Variants in ANO10 observed in about 807,000 individuals in gnomAD.
The protein encoded by ANO10 is anoctamin-10.
In ANO10, 77 loss-of-function variants were observed where a neutral mutation model predicts 74.7. The ratio of observed to expected loss-of-function variants is 1.03; its 90% confidence interval spans 0.86 to 1.25. The LOEUF (loss-of-function observed/expected upper bound fraction) is 1.25. Ranked by LOEUF, ANO10 falls within the 50% of genes most tolerant of loss-of-function variation. ANO10 has a pLI of 0.00. For missense variants in ANO10, 721 were observed against 778.1 expected (o/e 0.93, Z 0.87); for synonymous variants, 279 against 284.9 (o/e 0.98, Z 0.21).
chr3:43,442,906 ATT>A (rs1247616042), intron 11 of ANO10, among the ~76,000 whole-genome samples: 1 of 152,234 alleles, frequency 6.6e-6, no homozygotes, highest in Non-Finnish European at 1.5e-5. Context: ...TGAAAACTCT[ATT>A]TAATCAGTTA....
chr3:43,520,334 C>T (rs2149213145), intron 11 of ANO10, among the ~76,000 whole-genome samples: 1 of 152,254 alleles, frequency 6.6e-6, no homozygotes, highest in East Asian at 1.9e-4. Flanking sequence ...CTCACAGTAC[C>T]AGAGGCTGGG....
rs2076768160 is a variant in ANO10 at position 43,492,663 on chromosome 3, G to A, written c.1797+57057C>T. On this transcript the variant is annotated intron_variant, in intron 11 of 12. Transcript: ENST00000292246. Reference sequence around the variant, plus strand: ...ACACTTCTCAAAAAAAGACATTTATGCGGTGAACAGACATATGAAAAAATG... The same window carrying A: ...ACACTTCTCAAAAAAAGACATTTATACGGTGAACAGACATATGAAAAAATG... 5.3e-5 allele frequency among the ~76,000 whole-genome samples: 8 copies of A among 152,208 alleles called. No homozygotes were observed. The South Asian group carries it at 1.7e-3, about 31-fold the overall frequency.
chr3:43,603,735 A>G (rs1476786599), intron 2 of ANO10, among the ~76,000 whole-genome samples: 1 of 152,202 alleles, frequency 6.6e-6, no homozygotes, highest in African/African-American at 2.4e-5. Context: ...ATGGCCTTTA[A>G]TGCAAGGCAG....
chr3:43,601,940 G>A (rs1416142180), intron 2 of ANO10, among the ~76,000 whole-genome samples: 1 of 152,156 alleles, frequency 6.6e-6, no homozygotes, highest in South Asian at 2.1e-4. Context: ...CACACCTTAA[G>A]ATCCTTCCCC....
At chr3:43,625,070 TC>T (rs1213166116), upstream of ANO10, among the ~76,000 whole-genome samples, 5 of 152,182 alleles carry the variant, frequency 3.3e-5, no homozygotes, top group Non-Finnish European at 5.9e-5. Context: ...GAGTCCCTTT[TC>T]CCAACTCCTC....
At chr3:43,398,904 C>T (rs138338112) in intron 12 of ANO10, among the ~76,000 whole-genome samples, 2,983 of 152,314 alleles carry the variant, frequency 0.02, 90 homozygotes, top group African/African-American at 0.066. Flanking sequence ...TCTTGGCTCA[C>T]TGCAACCTCT....
At chr3:43,477,897 C>T (rs2076129188) in intron 11 of ANO10, among the ~76,000 whole-genome samples, 1 of 152,200 alleles carries the variant, frequency 6.6e-6, no homozygotes, top group Admixed American at 6.5e-5. Flanking sequence ...CCAACCTGCA[C>T]ACCAGAGGCA....
chr3:43,589,452 T>G (rs1397664479), intron 4 of ANO10, among the ~76,000 whole-genome samples: 3 of 152,030 alleles, frequency 2.0e-5, no homozygotes, highest in Non-Finnish European at 4.4e-5. Context: ...TTTGGGAGGC[T>G]GAGGCGGGTG....
At position 43,584,339 on chromosome 3, in the gene ANO10, A is replaced by C. The variant is rs1288260749; in HGVS notation, c.473-3867T>G. 2.0e-5 allele frequency among the ~76,000 whole-genome samples: 3 copies of C among 152,196 alleles called. No homozygotes were observed. In the East Asian group the frequency reaches 5.8e-4, roughly 29 times the overall value. ...GTTTAGAGCACAGGCATATAACTCCACTTGTTATCATAGCCATGTAGCCAT... is the reference window on the plus strand; with the variant it reads ...GTTTAGAGCACAGGCATATAACTCCCCTTGTTATCATAGCCATGTAGCCAT... On this transcript the variant is annotated intron_variant, in intron 4 of 12. Coordinates refer to ENST00000292246, the MANE Select transcript of ANO10 (RefSeq NM_018075.5).
intron 11 of ANO10, among the ~76,000 whole-genome samples, chr3:43,442,023 G>C (rs181880160): frequency 4.9e-4 from 75 of 152,198 alleles, no homozygotes; most frequent in African/African-American, 1.7e-3. Flanking sequence ...GGTTATATAT[G>C]AAAAAGCCTA....
chr3:43,599,018 C>T (rs2082217437), intron 3 of ANO10, among the ~76,000 whole-genome samples: 1 of 152,126 alleles, frequency 6.6e-6, no homozygotes, highest in African/African-American at 2.4e-5. Context: ...TATGTTAAAC[C>T]AGGGATGGAA....
At chr3:43,581,697 A>G (rs2081267227) in intron 4 of ANO10, among the ~76,000 whole-genome samples, 1 of 152,092 alleles carries the variant, frequency 6.6e-6, no homozygotes, top group East Asian at 1.9e-4. Flanking sequence ...GAGGCGGAGT[A>G]TTGCTTGAGG....
Position 43,564,561 on chromosome 3 carries a change from T to C in ANO10, c.1293+1092A>G, listed in dbSNP as rs1466247415. The stretch of plus-strand genomic sequence containing the variant: ...TTTGTTTACTGCTTTTCTCACTTAA[T>C]ATGTTTGAGCATTTTCCCGTATCAT... On this transcript the variant is annotated intron_variant, in intron 8 of 12. Coordinates refer to ENST00000292246, the MANE Select transcript of ANO10 (RefSeq NM_018075.5). Among the ~76,000 whole-genome samples, 3 of 152,210 alleles carry C rather than the reference T, an allele frequency of 2.0e-5. 1 individual carries two copies. Among genetic ancestry groups the C allele is most frequent in the Admixed American group, 2.0e-4 (3 of 15,276 alleles).
At chr3:43,404,457 C>T (rs558477101) in intron 12 of ANO10, among the ~76,000 whole-genome samples, 3 of 152,276 alleles carry the variant, frequency 2.0e-5, no homozygotes, top group Non-Finnish European at 4.4e-5. Flanking sequence ...TAGATTGCAG[C>T]CTACTAAGAC....
chr3:43,436,997 A>G lies in ANO10; in HGVS notation c.1798-4270T>C, dbSNP rs571904756. Among the ~76,000 whole-genome samples the G allele has an allele frequency of 1.8e-3, 273 of 152,340 alleles. 1 individual carries two copies. Among genetic ancestry groups the G allele is most frequent in the African/African-American group, 6.2e-3 (259 of 41,582 alleles). ...ACGACTGAACAAAAGGAGTGCCCTG[A>G]AAAAGGTATCCTCTGCTGATTACTA... On this transcript the variant is annotated intron_variant, in intron 11 of 12. Coordinates refer to ENST00000292246, the MANE Select transcript of ANO10 (RefSeq NM_018075.5).
chr3:43,371,022 T>C (rs952020377), intron 12 of ANO10, among the ~76,000 whole-genome samples: 2 of 152,164 alleles, frequency 1.3e-5, no homozygotes, highest in African/African-American at 4.8e-5. Flanking sequence ...CCCAGCCTTG[T>C]AGCAGAGACT....
intron 12 of ANO10, among the ~76,000 whole-genome samples, chr3:43,408,069 A>C (rs1188617614): frequency 6.6e-6 from 1 of 152,356 alleles, no homozygotes; most frequent in East Asian, 1.9e-4. Context: ...GAGATCAGTC[A>C]GAGGGTTGTG....
At chr3:43,602,672 T>C (rs2082389085) in intron 2 of ANO10, among the ~76,000 whole-genome samples, 1 of 152,162 alleles carries the variant, frequency 6.6e-6, no homozygotes, top group Non-Finnish European at 1.5e-5. Context: ...TGTCAACATT[T>C]TGTTTTGAAA....
intron 1 of ANO10, among the ~76,000 whole-genome samples, chr3:43,681,642 T>C (rs1202049271): frequency 6.6e-5 from 10 of 152,084 alleles, no homozygotes; most frequent in African/African-American, 1.9e-4. Flanking sequence ...TTCAGCACCA[T>C]ACCACACCTA....
Sources: allele counts gnomAD v4.1 joint callset (sites outside exome capture counted in the v4.1 genomes callset), GRCh38; gene constraint gnomAD v4.1.1; transcripts MANE v1.5; gene names NCBI Gene and HGNC (gene_info 2026-07-23, HGNC 2026-07-21).